Variants in CFAP299 observed in about 807,000 individuals in gnomAD.
CFAP299 encodes cilia and flagella associated protein 299.
CFAP299 carries 21 observed loss-of-function variants against 27.0 expected under a neutral mutation model. The observed-to-expected ratio is 0.78, with a 90% confidence interval of 0.55 to 1.12. The LOEUF (loss-of-function observed/expected upper bound fraction) is 1.12. Among genes scored for constraint, CFAP299 ranks in the 50% most tolerant of loss-of-function variants. The pLI is 0.00. For synonymous variants in CFAP299, 104 were observed against 98.1 expected (o/e 1.06, Z -0.36); for missense variants, 310 against 276.6 (o/e 1.12, Z -0.86).
intron 1 of CFAP299, among the ~76,000 whole-genome samples, chr4:80,350,501 A>G (rs1225514851): frequency 6.6e-6 from 1 of 152,216 alleles, no homozygotes; most frequent in African/African-American, 2.4e-5. Context: ...TTATTGCAGT[A>G]CTATTTACAA....
chr4:80,740,209 C>T (rs900279195), intron 3 of CFAP299, among the ~76,000 whole-genome samples: 1 of 152,104 alleles, frequency 6.6e-6, no homozygotes, highest in African/African-American at 2.4e-5. Flanking sequence ...ATGGTGTTGA[C>T]ACTTGTAAAT....
chr4:80,857,036 G>A (rs1453891573), intron 3 of CFAP299, among the ~76,000 whole-genome samples: 1 of 152,082 alleles, frequency 6.6e-6, no homozygotes, highest in African/African-American at 2.4e-5. Context: ...CTACCCATGA[G>A]CATGGAATGT....
chr4:80,561,749 A>C (rs373670051), intron 2 of CFAP299, among the ~76,000 whole-genome samples: 10 of 152,092 alleles, frequency 6.6e-5, no homozygotes, highest in African/African-American at 2.4e-4. Flanking sequence ...GCCTATTTGA[A>C]AATACACGGT....
At chr4:80,337,613 G>T (rs2109963920) in intron 1 of CFAP299, among the ~76,000 whole-genome samples, 1 of 152,056 alleles carries the variant, frequency 6.6e-6, no homozygotes, top group African/African-American at 2.4e-5. Context: ...GGCCAGGCTG[G>T]TCTCGAACTC....
At chr4:80,557,555 G>A (rs767766317) in intron 2 of CFAP299, among the ~76,000 whole-genome samples, 7 of 152,068 alleles carry the variant, frequency 4.6e-5, no homozygotes, top group African/African-American at 9.7e-5. Flanking sequence ...CTTCAAAGCA[G>A]TGTATTAAAG....
intron 3 of CFAP299, among the ~76,000 whole-genome samples, chr4:80,811,045 A>G (rs970144782): frequency 2.0e-4 from 30 of 152,148 alleles, no homozygotes; most frequent in African/African-American, 7.0e-4. Flanking sequence ...CACAGTTTAT[A>G]CCCTTTACAA....
At position 80,425,465 on chromosome 4, in the gene CFAP299, C is replaced by T. The variant is rs116018823; in HGVS notation, c.242+62581C>T. On this transcript the variant is annotated intron_variant, in intron 2 of 5. Transcript: ENST00000358105. Reference sequence around the variant, plus strand: ...GAGAATGCAAGTAGCTTTGGGGATACCTTTGTTAGATCAAGGATCATCCTC... The same window carrying T: ...GAGAATGCAAGTAGCTTTGGGGATATCTTTGTTAGATCAAGGATCATCCTC... 2.2e-3 allele frequency among the ~76,000 whole-genome samples: 340 copies of T among 152,276 alleles called. 5 individuals carry two copies. The highest frequency in any genetic ancestry group is 7.9e-3 in the African/African-American group (328 of 41,576).
intron 2 of CFAP299, among the ~76,000 whole-genome samples, chr4:80,516,017 C>CTTT (rs34249511): frequency 6.7e-5 from 8 of 119,524 alleles, no homozygotes; most frequent in Admixed American, 3.4e-4. Flanking sequence ...TTCTGCATTT[C>CTTT]TTTTTTTTTT....
chr4:80,832,711 C>T lies in CFAP299; in HGVS notation c.334-37282C>T, dbSNP rs1730362277. 2.0e-5 allele frequency among the ~76,000 whole-genome samples: 3 copies of T among 152,140 alleles called. No homozygotes were observed. The South Asian group carries it at 6.2e-4, about 32-fold the overall frequency. On this transcript the variant is annotated intron_variant, in intron 3 of 5. Coordinates refer to ENST00000358105, the MANE Select transcript of CFAP299 (RefSeq NM_152770.3). Reference sequence around the variant, plus strand: ...GGTATAGCGTTTATTATCACAAAAGCTGAGGTCTCACTTAGGAAATGGGTT... The same window carrying T: ...GGTATAGCGTTTATTATCACAAAAGTTGAGGTCTCACTTAGGAAATGGGTT...
chr4:80,465,093 C>A (rs987472058), intron 2 of CFAP299, among the ~76,000 whole-genome samples: 1 of 151,872 alleles, frequency 6.6e-6, no homozygotes, highest in Non-Finnish European at 1.5e-5. Flanking sequence ...GAATATAATT[C>A]TTCTGTGTGG....
chr4:80,374,382 T>G (rs1199549571), intron 2 of CFAP299, among the ~76,000 whole-genome samples: 1 of 152,116 alleles, frequency 6.6e-6, no homozygotes, highest in Admixed American at 6.6e-5. Flanking sequence ...GAAGTGTAAC[T>G]CTGATAAGGG....
At chr4:80,623,175 G>A (rs1303854935) in intron 3 of CFAP299, among the ~76,000 whole-genome samples, 1 of 152,094 alleles carries the variant, frequency 6.6e-6, no homozygotes, top group African/African-American at 2.4e-5. Context: ...ATTGGCAGGA[G>A]AGAGAAAGGA....
intron 4 of CFAP299, among the ~76,000 whole-genome samples, chr4:80,939,665 C>A (rs910423523): frequency 1.3e-5 from 2 of 152,128 alleles, no homozygotes; most frequent in African/African-American, 4.8e-5. Flanking sequence ...TTTAGGTCAG[C>A]CACATGAACT....
chr4:80,389,209 G>A (rs1187433950), intron 2 of CFAP299, among the ~76,000 whole-genome samples: 1 of 152,016 alleles, frequency 6.6e-6, no homozygotes, highest in Non-Finnish European at 1.5e-5. Flanking sequence ...AATTTATCTG[G>A]ATTGTCTTTT....
At chr4:80,520,326 C>T (rs1386214567) in intron 2 of CFAP299, among the ~76,000 whole-genome samples, 2 of 152,124 alleles carry the variant, frequency 1.3e-5, no homozygotes, top group African/African-American at 4.8e-5. Context: ...GTGGGGTATA[C>T]CCATTAGCAA....
chr4:80,640,088 T>C (rs762728402), intron 3 of CFAP299, among the ~76,000 whole-genome samples: 11 of 152,228 alleles, frequency 7.2e-5, no homozygotes, highest in Non-Finnish European at 1.6e-4. Context: ...AATTTTACTC[T>C]TAAAAATGGT....
At chr4:80,512,816 T>C (rs1035981691) in intron 2 of CFAP299, among the ~76,000 whole-genome samples, 1 of 152,134 alleles carries the variant, frequency 6.6e-6, no homozygotes, top group Non-Finnish European at 1.5e-5. Flanking sequence ...ATATATTACA[T>C]GTAGTCCCAT....
At chr4:80,957,396 A>T (rs1383169453) in intron 5 of CFAP299, among the ~76,000 whole-genome samples, 1 of 152,156 alleles carries the variant, frequency 6.6e-6, no homozygotes, top group Non-Finnish European at 1.5e-5. Flanking sequence ...CTTTTTATAC[A>T]TTATTAAGAA....
chr4:80,609,354 T>C (rs559926312), intron 3 of CFAP299, among the ~76,000 whole-genome samples: 211 of 152,202 alleles, frequency 1.4e-3, no homozygotes, highest in African/African-American at 4.7e-3. Flanking sequence ...AACTATGTCA[T>C]GCTGTTCCTA....
Sources: gnomAD v4.1 joint callset for allele counts (sites outside exome capture counted in the v4.1 genomes callset) on GRCh38, gnomAD v4.1.1 for gene constraint, MANE v1.5 for transcripts, NCBI Gene and HGNC (gene_info 2026-07-23, HGNC 2026-07-21) for gene names.